The following DLG2 variants were observed in gnomAD, a reference collection of about 807,000 sequenced individuals.
DLG2 encodes discs large MAGUK scaffold protein 2, also known as disks large homolog 2.
In DLG2, 45 loss-of-function variants were observed where a neutral mutation model predicts 132.5. The ratio of observed to expected loss-of-function variants is 0.34; its 90% CI spans 0.27 to 0.44. The LOEUF (loss-of-function observed/expected upper bound fraction) is 0.44, where lower values mean the gene tolerates loss of function less well. DLG2 is among the 20% of genes least tolerant of loss of function. DLG2 has a pLI of 1.00. For missense variants in DLG2, 1,045 were observed against 1,196.9 expected (o/e 0.87, Z 1.87); for synonymous variants, 424 against 419.6 (o/e 1.01, Z -0.13).
intron 18 of DLG2, among the ~76,000 whole-genome samples, chr11:83,743,819 G>A (rs118125324): frequency 0.019 from 2,896 of 152,180 alleles, 37 homozygotes; most frequent in Non-Finnish European, 0.028. Flanking sequence ...TCAGAGGGTT[G>A]CTATGGGGAT....
chr11:85,474,299 T>G (rs561225829), intron 3 of DLG2, among the ~76,000 whole-genome samples: 1 of 151,952 alleles, frequency 6.6e-6, no homozygotes, highest in Non-Finnish European at 1.5e-5. Context: ...TCTCAATAGA[T>G]AAGCAAAAAA....
chr11:84,195,092 T>G (rs2096490719), intron 8 of DLG2, among the ~76,000 whole-genome samples: 1 of 152,216 alleles, frequency 6.6e-6, no homozygotes, highest in Non-Finnish European at 1.5e-5. Flanking sequence ...TGCTGTGGCC[T>G]GAGGTGCCCA....
At position 83,459,761 on chromosome 11, in the gene DLG2, T is replaced by C. The variant is rs1439269477; in HGVS notation, c.*57A>G. ...ATAAAAGCCTCCAAGTAGTATGTTATATATATTTTGTTCTTCTAAATGCTC... is the reference window on the plus strand; with the variant it reads ...ATAAAAGCCTCCAAGTAGTATGTTACATATATTTTGTTCTTCTAAATGCTC... On this transcript the variant is annotated 3_prime_UTR_variant, in exon 28 of 28. Coordinates refer to ENST00000376104, the MANE Select transcript of DLG2 (RefSeq NM_001142699.3). The C allele has an allele frequency of 2.2e-6, 2 of 913,478 alleles. No individual in the cohort carries two copies. Among genetic ancestry groups the C allele is most frequent in the Admixed American group, 1.8e-5 (1 of 54,992 alleles). The allele number at this position is 913,478 out of a possible 1,614,324, so 56.6% of individuals were successfully genotyped here.
chr11:84,836,581 A>G (rs1327669677), intron 6 of DLG2, among the ~76,000 whole-genome samples: 3 of 151,748 alleles, frequency 2.0e-5, no homozygotes, highest in South Asian at 2.1e-4. Flanking sequence ...CACTTTCTCT[A>G]TGTAAGGGAT....
intron 26 of DLG2, among the ~76,000 whole-genome samples, chr11:83,462,529 T>C (rs1368171065): frequency 6.6e-6 from 1 of 152,180 alleles, no homozygotes; most frequent in African/African-American, 2.4e-5. Flanking sequence ...CCACCCTTTC[T>C]TGGAGTTTGT....
chr11:84,684,777 C>T (rs149310792), intron 6 of DLG2, among the ~76,000 whole-genome samples: 17 of 152,124 alleles, frequency 1.1e-4, no homozygotes, highest in African/African-American at 3.4e-4. Context: ...GGCATATAAT[C>T]GTATTTTCTG....
At chr11:84,368,255 T>C (rs1434584461) in intron 7 of DLG2, among the ~76,000 whole-genome samples, 1 of 152,182 alleles carries the variant, frequency 6.6e-6, no homozygotes, top group Non-Finnish European at 1.5e-5. Context: ...ATGCTCAATC[T>C]ACTTTTTCAA....
intron 6 of DLG2, among the ~76,000 whole-genome samples, chr11:85,007,453 G>A (rs551836141): frequency 6.6e-6 from 1 of 151,894 alleles, no homozygotes; most frequent in East Asian, 1.9e-4. Flanking sequence ...GAGGTCAGGA[G>A]ATCGAGACCA....
intron 19 of DLG2, among the ~76,000 whole-genome samples, chr11:83,569,253 C>T (rs1172930667): frequency 1.3e-5 from 2 of 151,472 alleles, no homozygotes; most frequent in Non-Finnish European, 3.0e-5. Flanking sequence ...CATCTAAATT[C>T]TTAAGACAGT....
At chr11:84,633,376 T>C (rs1016642465) in intron 6 of DLG2, among the ~76,000 whole-genome samples, 1 of 152,124 alleles carries the variant, frequency 6.6e-6, no homozygotes, top group Non-Finnish European at 1.5e-5. Context: ...ACCTGTTTCC[T>C]CTTACTGTGA....
At chr11:85,333,761 C>T (rs2081940008) in intron 3 of DLG2, among the ~76,000 whole-genome samples, 1 of 152,174 alleles carries the variant, frequency 6.6e-6, no homozygotes, top group Non-Finnish European at 1.5e-5. Context: ...ACCAAGTTTG[C>T]ATCCCAGGGA....
At chr11:84,562,211 G>C (rs905210346) in intron 6 of DLG2, among the ~76,000 whole-genome samples, 4 of 152,074 alleles carry the variant, frequency 2.6e-5, no homozygotes, top group African/African-American at 9.7e-5. Flanking sequence ...ACTGATGGCT[G>C]TCATAGACTA....
chr11:84,757,654 A>C (rs1318723536), intron 6 of DLG2, among the ~76,000 whole-genome samples: 1 of 152,212 alleles, frequency 6.6e-6, no homozygotes, highest in Non-Finnish European at 1.5e-5. Context: ...CCCTCTTTAC[A>C]TGCATTATCT....
intron 3 of DLG2, among the ~76,000 whole-genome samples, chr11:85,488,574 C>T (rs2093484913): frequency 6.6e-6 from 1 of 152,088 alleles, no homozygotes; most frequent in African/African-American, 2.4e-5. Context: ...TGTCTAAATT[C>T]AAACTGAGAG....
intron 6 of DLG2, among the ~76,000 whole-genome samples, chr11:84,906,071 C>A (rs10898326): frequency 0.48 from 72,725 of 151,816 alleles, 17,813 homozygotes; most frequent in South Asian, 0.62. Context: ...CTAATGGAGT[C>A]ACATGGCATA....
At chr11:84,991,956 C>G (rs147044940) in intron 6 of DLG2, among the ~76,000 whole-genome samples, 5 of 152,244 alleles carry the variant, frequency 3.3e-5, no homozygotes, top group African/African-American at 1.2e-4. Flanking sequence ...ATCTCTCCAG[C>G]CTAATATCAT....
Position 84,772,309 on chromosome 11 carries a change from G to C in DLG2, c.358-237578C>G, listed in dbSNP as rs1484679706. Among the ~76,000 whole-genome samples the C allele has an allele frequency of 5.3e-5, 8 of 152,026 alleles. 1 individual carries two copies. The highest frequency in any genetic ancestry group is 3.3e-4 in the Admixed American group (5 of 15,254). On this transcript the variant is annotated intron_variant, in intron 6 of 27. Transcript: ENST00000376104. ...CAGATTCATAAAACATGCACTTCTA[G>C]ACCTGTGAAAATACTTAGACATCTG...
intron 6 of DLG2, among the ~76,000 whole-genome samples, chr11:85,098,296 GA>G (rs530514463): frequency 1.3e-5 from 2 of 152,298 alleles, no homozygotes; most frequent in East Asian, 3.9e-4. Flanking sequence ...ACAGTTTGGT[GA>G]CAGAGAGGAT....
At chr11:84,930,873 C>A (rs2048003117) in intron 6 of DLG2, among the ~76,000 whole-genome samples, 1 of 152,182 alleles carries the variant, frequency 6.6e-6, no homozygotes, top group African/African-American at 2.4e-5. Flanking sequence ...CTTCCTCATT[C>A]CTTGACACAC....
Sources: gnomAD v4.1 joint callset for allele counts (sites outside exome capture counted in the v4.1 genomes callset) on GRCh38, gnomAD v4.1.1 for gene constraint, MANE v1.5 for transcripts, NCBI Gene and HGNC (gene_info 2026-07-23, HGNC 2026-07-21) for gene names.